Variants in SYNJ1 observed in about 807,000 individuals in gnomAD.
SYNJ1 encodes synaptojanin 1.
Under a neutral mutation model 168.2 loss-of-function variants are expected in SYNJ1, and 78 were observed. The observed-to-expected ratio is 0.46, with a 90% CI of 0.39 to 0.56. SYNJ1 has a LOEUF of 0.56. SYNJ1 is among the 20% of genes least tolerant of loss of function. The pLI is 0.00. For synonymous variants in SYNJ1, 539 were observed against 548.6 expected (o/e 0.98, Z 0.24); for missense variants, 1,303 against 1,597.6 (o/e 0.82, Z 3.14).
chr21:32,674,851 T>C (rs73361386), intron 13 of SYNJ1, among the ~76,000 whole-genome samples: 1 of 152,184 alleles, frequency 6.6e-6, no homozygotes, highest in South Asian at 2.1e-4. Context: ...AGCAGTCTTA[T>C]GAGGAAATGA....
At chr21:32,668,232 A>AT (rs1476127769) in intron 15 of SYNJ1, among the ~76,000 whole-genome samples, 5 of 151,700 alleles carry the variant, frequency 3.3e-5, no homozygotes, top group Non-Finnish European at 4.4e-5. Context: ...CGTCCAGCTG[A>AT]TTTTTTTGTA....
intron 19 of SYNJ1, among the ~76,000 whole-genome samples, chr21:32,657,493 G>A (rs2040505206): frequency 6.6e-6 from 1 of 152,024 alleles, no homozygotes; most frequent in Non-Finnish European, 1.5e-5. Flanking sequence ...ATATTTCCTT[G>A]CTTCTCTTTA....
chr21:32,652,686 G>A (rs1355190914), intron 22 of SYNJ1, among the ~76,000 whole-genome samples: 1 of 152,156 alleles, frequency 6.6e-6, no homozygotes, highest in Non-Finnish European at 1.5e-5. Context: ...AAAAATGACA[G>A]ATGAAGCACT....
chr21:32,707,823 C>T (rs1236072764), intron 2 of SYNJ1, among the ~76,000 whole-genome samples: 5 of 152,062 alleles, frequency 3.3e-5, no homozygotes, highest in Non-Finnish European at 7.4e-5. Flanking sequence ...TCGAAACCAG[C>T]CTGGCCATCA....
At chr21:32,708,991 T>C (rs1344255112) in intron 2 of SYNJ1, among the ~76,000 whole-genome samples, 3 of 152,072 alleles carry the variant, frequency 2.0e-5, no homozygotes, top group Admixed American at 2.0e-4. Context: ...ATGTAACAGG[T>C]GAGGGATAAC....
chr21:32,696,984 T>G (rs2042234929), intron 4 of SYNJ1, among the ~76,000 whole-genome samples: 1 of 152,232 alleles, frequency 6.6e-6, no homozygotes, highest in Non-Finnish European at 1.5e-5. Flanking sequence ...TGTGACCCAG[T>G]ATGTCCAACC....
At chr21:32,668,594 C>T (rs796347742) in intron 15 of SYNJ1, among the ~76,000 whole-genome samples, 7 of 152,216 alleles carry the variant, frequency 4.6e-5, no homozygotes, top group African/African-American at 1.7e-4. Flanking sequence ...AAATATTTGT[C>T]ACTTGCAAGA....
In SYNJ1 at chr21:32,691,333, C is replaced by T. The variant is rs147532485; in HGVS notation, c.789+2895G>A. Among the ~76,000 whole-genome samples the T allele has an allele frequency of 8.7e-4, 132 of 152,314 alleles. 2 individuals are homozygous for T. In the East Asian group the frequency reaches 0.025, roughly 28 times the overall value. On this transcript the variant is annotated intron_variant, in intron 6 of 32. Transcript: ENST00000674351. ...CCTGCTCCCACCATGTGAGACTCCT[C>T]GCTCCCCTTTTGCCTTTTGCCATGA...
intron 2 of SYNJ1, 121 bp downstream of exon 2, chr21:32,726,651 A>T: frequency 7.8e-7 from 1 of 1,281,442 alleles, no homozygotes; most frequent in Non-Finnish European, 1.1e-6. Flanking sequence ...ATACAAGCAT[A>T]ATCTGCTAGA....
intron 32 of SYNJ1, 98 bp from the exon 33 acceptor site, chr21:32,631,899 A>G (rs1372241669): frequency 2.6e-6 from 3 of 1,145,618 alleles, no homozygotes; most frequent in African/African-American, 1.6e-5. Context: ...AGGGGCAAGC[A>G]TGTAAATTTA....
chr21:32,706,574 C>T (rs368099599), intron 2 of SYNJ1, among the ~76,000 whole-genome samples: 39 of 151,234 alleles, frequency 2.6e-4, no homozygotes, highest in Non-Finnish European at 4.6e-4. Flanking sequence ...TTTTAAATTG[C>T]TGCAAAATTA....
At chr21:32,671,933 C>T (rs845026) in intron 14 of SYNJ1, among the ~76,000 whole-genome samples, 12,127 of 151,252 alleles carry the variant, frequency 0.08, 634 homozygotes, top group South Asian at 0.16. Flanking sequence ...GTGGCAGATG[C>T]CTGTAATCCC....
At chr21:32,723,426 A>G (rs2043322156) in intron 2 of SYNJ1, among the ~76,000 whole-genome samples, 3 of 152,256 alleles carry the variant, frequency 2.0e-5, no homozygotes, top group South Asian at 4.1e-4. Flanking sequence ...CTTTGTGTAC[A>G]TAAAGACCAA....
At chr21:32,687,664 A>G (rs1221034771) in intron 7 of SYNJ1, among the ~76,000 whole-genome samples, 1 of 152,252 alleles carries the variant, frequency 6.6e-6, no homozygotes, top group Non-Finnish European at 1.5e-5. Context: ...CATGTCTAAA[A>G]TATCATTTCA....
intron 11 of SYNJ1, 37 bp downstream of exon 11, chr21:32,681,459 A>G (rs2041619656): frequency 6.4e-7 from 1 of 1,554,412 alleles, no homozygotes; most frequent in African/African-American, 1.4e-5. Context: ...GAGGAAAAAG[A>G]GGATATTCTG....
At chr21:32,722,337 G>C (rs1239072181) in intron 2 of SYNJ1, among the ~76,000 whole-genome samples, 3 of 151,766 alleles carry the variant, frequency 2.0e-5, no homozygotes, top group Non-Finnish European at 4.4e-5. Context: ...GATCACTTGA[G>C]TTCACGAGTT....
intron 2 of SYNJ1, among the ~76,000 whole-genome samples, chr21:32,722,499 G>A (rs2043285251): frequency 6.6e-6 from 1 of 152,016 alleles, no homozygotes; most frequent in Non-Finnish European, 1.5e-5. Flanking sequence ...GCAGTGCACG[G>A]AGATCATACC....
intron 10 of SYNJ1, among the ~76,000 whole-genome samples, chr21:32,683,422 T>C (rs1383896265): frequency 1.3e-5 from 2 of 152,092 alleles, no homozygotes; most frequent in Admixed American, 1.3e-4. Context: ...TCACTAACTA[T>C]GGCATTTTCA....
chr21:32,646,042 C>T, intron 24 of SYNJ1: 1 of 751,838 alleles, frequency 1.3e-6, no homozygotes, highest in Non-Finnish European at 2.4e-6. Flanking sequence ...TACTAAGTGG[C>T]CCTATTGATA....
Sources: allele counts gnomAD v4.1 joint callset (sites outside exome capture counted in the v4.1 genomes callset), GRCh38; gene constraint gnomAD v4.1.1; transcripts MANE v1.5; gene names NCBI Gene and HGNC (gene_info 2026-07-23, HGNC 2026-07-21).